Variants in RPA3 observed in about 807,000 individuals in gnomAD.
RPA3 encodes replication protein A3.
In RPA3, 24 loss-of-function variants were observed where a neutral mutation model predicts 13.7. That is an observed-to-expected ratio of 1.75 (90% CI 1.27 to 2.46). The LOEUF is 2.46. Ranked by LOEUF, RPA3 falls within the 30% of genes most tolerant of loss-of-function variation. The pLI is 0.00. For missense variants in RPA3, 183 were observed against 151.0 expected (o/e 1.21, Z -1.11); for synonymous variants, 59 against 51.2 (o/e 1.15, Z -0.65).
rs145126668 is a variant in RPA3, at chr7:7,707,650, G to T, written c.-1028+7525C>A. ...AAATGATATTTTGGAATTTAAAAAA[G>T]ACCTCTTTAGTTTTCTGTGATCCAA... On this transcript the variant is annotated intron_variant, in intron 2 of 7. Transcript: ENST00000223129. 2.9e-3 allele frequency among the ~76,000 whole-genome samples: 449 copies of T among 152,204 alleles called. 5 individuals carry two copies. Among genetic ancestry groups the T allele is most frequent in the African/African-American group, 0.01 (429 of 41,520 alleles).
chr7:7,676,268 C>T (rs1779736879), intron 4 of RPA3: 2 of 398,002 alleles, frequency 5.0e-6, no homozygotes, highest in South Asian at 2.6e-4. Flanking sequence ...ATATCGGTAC[C>T]TACCCCATGA....
intron 1 of RPA3, among the ~76,000 whole-genome samples, chr7:7,715,950 A>G (rs1053236582): frequency 2.0e-5 from 3 of 152,264 alleles, no homozygotes; most frequent in Non-Finnish European, 4.4e-5. Context: ...ACAAGGAGAT[A>G]GTATAAAACA....
At chr7:7,686,346 G>A (rs899512816) in intron 3 of RPA3, among the ~76,000 whole-genome samples, 2 of 152,136 alleles carry the variant, frequency 1.3e-5, no homozygotes, top group Non-Finnish European at 2.9e-5. Flanking sequence ...TCAAATGTTA[G>A]AATGTTATCC....
chr7:7,700,668 A>T (rs1255396359), intron 2 of RPA3, among the ~76,000 whole-genome samples: 3 of 152,230 alleles, frequency 2.0e-5, no homozygotes, highest in Admixed American at 2.0e-4. Context: ...TGAGCAGATC[A>T]CCCAAGGTCA....
At chr7:7,661,992 C>T (rs1237016139) in intron 4 of RPA3, among the ~76,000 whole-genome samples, 1 of 152,190 alleles carries the variant, frequency 6.6e-6, no homozygotes, top group Non-Finnish European at 1.5e-5. Flanking sequence ...GCCTTTCTTT[C>T]AGAGATGCCC....
At chr7:7,688,740 A>ACCTC (rs1357138745) in intron 2 of RPA3, among the ~76,000 whole-genome samples, 1 of 151,988 alleles carries the variant, frequency 6.6e-6, no homozygotes, top group Non-Finnish European at 1.5e-5. Flanking sequence ...TTATGTTGTA[A>ACCTC]CCTCCTAAAG....
chr7:7,712,718 G>C (rs1481352464), intron 2 of RPA3, among the ~76,000 whole-genome samples: 1 of 152,140 alleles, frequency 6.6e-6, no homozygotes, highest in African/African-American at 2.4e-5. Flanking sequence ...TTGAAGAGAA[G>C]TGTCAAAGAA....
At chr7:7,677,744 G>A (rs1779783601) in intron 4 of RPA3, among the ~76,000 whole-genome samples, 1 of 136,992 alleles carries the variant, frequency 7.3e-6, no homozygotes, top group East Asian at 2.1e-4. Flanking sequence ...CGGGATCTCG[G>A]CTCACTGCAA....
chr7:7,705,576 T>A (rs879853851), intron 2 of RPA3, among the ~76,000 whole-genome samples: 46 of 152,228 alleles, frequency 3.0e-4, no homozygotes, highest in Non-Finnish European at 6.3e-4. Context: ...ATTGTTTTCA[T>A]AATCATATTA....
At chr7:7,649,574 G>A (rs1454760673) in intron 4 of RPA3, among the ~76,000 whole-genome samples, 1 of 152,162 alleles carries the variant, frequency 6.6e-6, no homozygotes, top group East Asian at 1.9e-4. Context: ...CTGTTTTGTT[G>A]TTATTTTTTC....
intron 4 of RPA3, among the ~76,000 whole-genome samples, chr7:7,650,649 AAAAC>A (rs1228676929): frequency 6.6e-6 from 1 of 152,262 alleles, no homozygotes; most frequent in Admixed American, 6.5e-5. Flanking sequence ...GTTAATAAGT[AAAAC>A]AAAGTTTAAG....
intron 2 of RPA3, among the ~76,000 whole-genome samples, chr7:7,711,913 A>G (rs1716974144): frequency 6.6e-6 from 1 of 152,122 alleles, no homozygotes; most frequent in Non-Finnish European, 1.5e-5. Flanking sequence ...TTATAGCTCT[A>G]TGGTTAACTT....
At chr7:7,638,271 A>G (rs1451930858) in intron 6 of RPA3, 4 of 251,632 alleles carry the variant, frequency 1.6e-5, no homozygotes, top group African/African-American at 6.6e-5. Flanking sequence ...ATCCTATGAG[A>G]GGAATCTTCT....
rs1784893377 is a variant in RPA3, at chr7:7,637,972, G to C, written c.175C>G (p.Leu59Val). 1.2e-6 allele frequency: 2 copies of C among 1,611,486 alleles called. No homozygotes were observed. Among genetic ancestry groups the C allele is most frequent in the East Asian group, 4.5e-5 (2 of 44,728 alleles). ...ACAATTCCAGAGATTTCTTCATCAA[G>C]CTAAGACACAGAACAAGACATCGAT... ...KNGTIELMEPLDEEISGIVEV... is the reference protein window; with the variant it reads ...KNGTIELMEPVDEEISGIVEV... Residue 59 changes from leucine (L) to valine (V), a missense_variant and splice_region_variant, in exon 7 of 8, where the codon CTT becomes GTT. Transcript: ENST00000223129.
At position 7,703,410 on chromosome 7, in the gene RPA3, G is replaced by A. The variant is rs140830794; in HGVS notation, c.-1028+11765C>T. ...AGAATTTTTAACTTTTTAGTATGAAGTACCATTTTGTGAGTGCTCTAATTT... is the reference window on the plus strand; with the variant it reads ...AGAATTTTTAACTTTTTAGTATGAAATACCATTTTGTGAGTGCTCTAATTT... On this transcript the variant is annotated intron_variant, in intron 2 of 7. Coordinates refer to ENST00000223129, the MANE Select transcript of RPA3 (RefSeq NM_002947.5). Among the ~76,000 whole-genome samples the A allele has an allele frequency of 3.0e-3, 451 of 152,222 alleles. 10 individuals carry two copies. In the South Asian group the frequency reaches 0.041, roughly 14 times the overall value.
At chr7:7,673,310 TAGC>T in intron 4 of RPA3, 70,529 of 1,025,738 alleles carry the variant, frequency 0.069, 1,954 homozygotes, top group African/African-American at 0.11. Flanking sequence ...CTATTTCAGG[TAGC>T]AGCAGCAGCA....
chr7:7,704,766 CAAAAAAAAAAA>C (rs71011001), intron 2 of RPA3, among the ~76,000 whole-genome samples: 18 of 17,852 alleles, frequency 1.0e-3, no homozygotes, highest in African/African-American at 3.3e-3. Context: ...GACTCCATCT[CAAAAAAAAAAA>C]AAAAAAAAAA....
At chr7:7,647,211 A>ATTTTCTAG (rs1471425539) in intron 4 of RPA3, among the ~76,000 whole-genome samples, 1 of 152,080 alleles carries the variant, frequency 6.6e-6, no homozygotes, top group Non-Finnish European at 1.5e-5. Flanking sequence ...AGTTCTAGGT[A>ATTTTCTAG]TTTTCTAGTT....
chr7:7,701,389 A>G (rs2115154416), intron 2 of RPA3, among the ~76,000 whole-genome samples: 1 of 151,260 alleles, frequency 6.6e-6, no homozygotes, highest in East Asian at 1.9e-4. Context: ...CACTACAGAC[A>G]ATCTATGTGA....
Sources: allele counts gnomAD v4.1 joint callset (sites outside exome capture counted in the v4.1 genomes callset), GRCh38; gene constraint gnomAD v4.1.1; transcripts MANE v1.5; gene names NCBI Gene and HGNC (gene_info 2026-07-23, HGNC 2026-07-21).